Variants in PRKN observed in about 807,000 individuals in gnomAD.
PRKN encodes the protein E3 ubiquitin-protein ligase parkin.
Under a neutral mutation model 59.5 loss-of-function variants are expected in PRKN, and 56 were observed. The ratio of observed to expected loss-of-function variants is 0.94; its 90% CI spans 0.76 to 1.18. The LOEUF is 1.18. Among genes scored for constraint, PRKN ranks in the 50% most tolerant of loss-of-function variants. The pLI, the probability that PRKN is intolerant of heterozygous loss-of-function variation, is 0.00. For missense variants in PRKN, 657 were observed against 596.4 expected (o/e 1.10, Z -1.06); for synonymous variants, 250 against 222.1 (o/e 1.13, Z -1.12).
chr6:161,548,900 T>C lies in PRKN; in HGVS notation c.1037A>G (p.Asp346Gly), dbSNP rs1361762771. The change falls in exon 9 of 12, where the codon GAC (aspartate) becomes GGC (glycine). Residue 346 changes from aspartate to glycine, a missense_variant. Transcript: ENST00000366898. The surrounding 1 kb of genome is among the most constrained non-coding windows in gnomAD (Gnocchi z 4.2). ...GCGAGLLPEPDQRKVTCEGGN... is the reference protein window; with the variant it reads ...GCGAGLLPEPGQRKVTCEGGN... ...CCCTTCGCAGGTGACTTTCCTCTGG[T>C]CAGGCTCCGGCAGCAGCCCCGCTCC... 6.2e-7 allele frequency: 1 copy of C among 1,614,084 alleles called. No homozygotes were observed. The highest frequency in any genetic ancestry group is 1.1e-5 in the South Asian group (1 of 91,068).
intron 4 of PRKN, among the ~76,000 whole-genome samples, chr6:162,106,217 G>A (rs1050175611): frequency 2.0e-5 from 3 of 152,204 alleles, no homozygotes; most frequent in Admixed American, 6.5e-5. Flanking sequence ...GCTGGGAGAA[G>A]AGATGTGGGG....
At chr6:162,294,586 T>A (rs1781579881) in intron 2 of PRKN, among the ~76,000 whole-genome samples, 1 of 152,140 alleles carries the variant, frequency 6.6e-6, no homozygotes, top group Non-Finnish European at 1.5e-5. Flanking sequence ...GCAGGAATGA[T>A]TTAACTCCTG....
rs2115212303 is a variant in PRKN, at chr6:161,475,448, A to G, written c.1083+73406T>C. 6.6e-6 allele frequency among the ~76,000 whole-genome samples: 1 copy of G among 152,352 alleles called. No homozygotes were observed. Among genetic ancestry groups the G allele is most frequent in the Non-Finnish European group, 1.5e-5 (1 of 68,040 alleles). On this transcript the variant is annotated intron_variant, in intron 9 of 11. Transcript: ENST00000366898. The surrounding 1 kb of genome is among the most constrained non-coding windows in gnomAD (Gnocchi z 5.3). Reference sequence around the variant, plus strand: ...CTTTGCACTGGTATTTCTTTAAACAATAAAGTTTTACTTTAACTTGCTATA... The same window carrying G: ...CTTTGCACTGGTATTTCTTTAAACAGTAAAGTTTTACTTTAACTTGCTATA...
intron 6 of PRKN, among the ~76,000 whole-genome samples, chr6:161,898,770 TC>T (rs1426539536): frequency 4.6e-5 from 7 of 152,096 alleles, no homozygotes; most frequent in Non-Finnish European, 7.4e-5. Flanking sequence ...TTTTGGTGAT[TC>T]CCCCTCCCTA....
intron 4 of PRKN, among the ~76,000 whole-genome samples, chr6:162,177,140 C>G (rs1468816217): frequency 1.3e-5 from 2 of 152,004 alleles, no homozygotes; most frequent in African/African-American, 4.8e-5. Context: ...ACACCAAAAT[C>G]TAGAAATATC....
intron 7 of PRKN, among the ~76,000 whole-genome samples, chr6:161,586,875 C>G (rs577004054): frequency 6.6e-6 from 1 of 152,260 alleles, no homozygotes; most frequent in African/African-American, 2.4e-5. Flanking sequence ...CAACAACAAC[C>G]AATTATGAAG....
intron 4 of PRKN, among the ~76,000 whole-genome samples, chr6:162,167,351 G>A (rs1783035062): frequency 6.6e-6 from 1 of 152,168 alleles, no homozygotes; most frequent in Non-Finnish European, 1.5e-5. Flanking sequence ...ACGTGTGCTT[G>A]TTAATCCCTC....
chr6:162,441,611 G>A (rs2128166900), intron 2 of PRKN, among the ~76,000 whole-genome samples: 1 of 152,194 alleles, frequency 6.6e-6, no homozygotes, highest in South Asian at 2.1e-4. Context: ...AATCCCATAT[G>A]GTTCAATCTA....
At chr6:161,709,002 A>G (rs879939267) in intron 7 of PRKN, among the ~76,000 whole-genome samples, 5 of 152,238 alleles carry the variant, frequency 3.3e-5, no homozygotes, top group Admixed American at 6.5e-5. Flanking sequence ...ACAACTGAGC[A>G]CTTGAAACGT....
At chr6:161,591,273 T>G (rs1299978854) in intron 7 of PRKN, among the ~76,000 whole-genome samples, 1 of 152,138 alleles carries the variant, frequency 6.6e-6, no homozygotes, top group African/African-American at 2.4e-5. Context: ...AGTCTAAAAT[T>G]ACGTCAAAAT....
At chr6:162,052,204 T>C (rs1459512681) in intron 5 of PRKN, among the ~76,000 whole-genome samples, 1 of 152,176 alleles carries the variant, frequency 6.6e-6, no homozygotes, top group East Asian at 1.9e-4. Context: ...CTAAGTTCTA[T>C]TTTCTCTTTT....
In PRKN at chr6:161,393,146, A is replaced by G. The variant is rs1206513123; in HGVS notation, c.1084-6269T>C. 6.6e-6 allele frequency among the ~76,000 whole-genome samples: 1 copy of G among 152,192 alleles called. No homozygotes were observed. Among genetic ancestry groups the G allele is most frequent in the Admixed American group, 6.5e-5 (1 of 15,290 alleles). On this transcript the variant is annotated intron_variant, in intron 9 of 11. Transcript: ENST00000366898. The surrounding 1 kb of genome is among the most constrained non-coding windows in gnomAD (Gnocchi z 4.7). The stretch of plus-strand genomic sequence containing the variant: ...CAAAGAAGAAATAATAAGATAAAGA[A>G]TATTTAACACAGTTTCTGGTACACA...
chr6:161,903,505 T>C (rs902052655), intron 6 of PRKN, among the ~76,000 whole-genome samples: 2 of 152,164 alleles, frequency 1.3e-5, no homozygotes, highest in Non-Finnish European at 1.5e-5. Context: ...TCTACCTCCA[T>C]GCAGCCTCTG....
chr6:161,398,152 C>T (rs1430847579), intron 9 of PRKN, among the ~76,000 whole-genome samples: 1 of 152,048 alleles, frequency 6.6e-6, no homozygotes, highest in Non-Finnish European at 1.5e-5. Context: ...AGAGTTTTCT[C>T]AAGGAGATGA....
chr6:162,372,476 G>A (rs1785819541), intron 2 of PRKN, among the ~76,000 whole-genome samples: 1 of 152,108 alleles, frequency 6.6e-6, no homozygotes, highest in Non-Finnish European at 1.5e-5. Flanking sequence ...CATTTTATCA[G>A]AAGAAAAATA....
chr6:162,714,988 C>T (rs540898916), intron 1 of PRKN, among the ~76,000 whole-genome samples: 1 of 152,362 alleles, frequency 6.6e-6, no homozygotes, highest in East Asian at 1.9e-4. Context: ...AAAAAGTCAT[C>T]GTCCTTGTGC....
intron 2 of PRKN, among the ~76,000 whole-genome samples, chr6:162,327,349 T>G (rs1217926480): frequency 6.6e-6 from 1 of 152,234 alleles, no homozygotes; most frequent in African/African-American, 2.4e-5. Flanking sequence ...TGTGTTTTAT[T>G]TTTTATTTTT....
At position 161,428,081 on chromosome 6, in the gene PRKN, A is replaced by G. The variant is rs1169332486; in HGVS notation, c.1084-41204T>C. Among the ~76,000 whole-genome samples the G allele has an allele frequency of 6.6e-6, 1 of 152,154 alleles. No individual in the cohort carries two copies. Among genetic ancestry groups the G allele is most frequent in the African/African-American group, 2.4e-5 (1 of 41,418 alleles). On this transcript the variant is annotated intron_variant, in intron 9 of 11. Coordinates refer to ENST00000366898, the MANE Select transcript of PRKN (RefSeq NM_004562.3). This position sits in a 1 kb window ranked among gnomAD's most constrained non-coding sequence, Gnocchi z 4.0. Reference sequence around the variant, plus strand: ...TCCGTGGAGCTCGGCATTTGGACACAGCTCACACGCATGAGTGATGCTCTT... The same window carrying G: ...TCCGTGGAGCTCGGCATTTGGACACGGCTCACACGCATGAGTGATGCTCTT...
Position 161,385,720 on chromosome 6 carries a change from A to T in PRKN, c.1167+1074T>A, listed in dbSNP as rs1786211309. 6.6e-6 allele frequency among the ~76,000 whole-genome samples: 1 copy of T among 152,192 alleles called. No individual in the cohort carries two copies. ...GCCTCCATTACAGCGGTCCTGAGGC[A>T]GGGGTCTCTGGGCCATTATTGCTTT... On this transcript the variant is annotated intron_variant, in intron 10 of 11. Transcript: ENST00000366898. This position sits in a 1 kb window ranked among gnomAD's most constrained non-coding sequence, Gnocchi z 4.9.
Sources: gnomAD v4.1 joint callset for allele counts (sites outside exome capture counted in the v4.1 genomes callset) on GRCh38, gnomAD v4.1.1 for gene constraint, Gnocchi (gnomAD v3.1) non-coding constraint, MANE v1.5 for transcripts, NCBI Gene and HGNC (gene_info 2026-07-23, HGNC 2026-07-21) for gene names.